N4BP2: variants seen among roughly 807,000 people sequenced by gnomAD.
N4BP2 encodes the protein NEDD4-binding protein 2.
A neutral mutation model predicts 152.8 loss-of-function variants in N4BP2; 91 were observed. The observed-to-expected ratio is 0.60, with a 90% CI of 0.50 to 0.71. The LOEUF (loss-of-function observed/expected upper bound fraction) is 0.71. Ranked by LOEUF, N4BP2 falls within the 30% of genes least tolerant of loss-of-function variation. The pLI is 0.00. For synonymous variants in N4BP2, 646 were observed against 705.3 expected, an observed-to-expected ratio of 0.92 and a Z score of 1.33; for missense variants, 1,923 against 2,059.1, an observed-to-expected ratio of 0.93 and a Z score of 1.28.
intron 16 of N4BP2, among the ~76,000 whole-genome samples, chr4:40,150,321 GAACATGTTAAAC>G (rs1311672542): frequency 6.6e-6 from 1 of 152,148 alleles, no homozygotes; most frequent in East Asian, 1.9e-4. Flanking sequence ...GGGGACAGAG[GAACATGTTAAAC>G]AACACCATGG....
At chr4:40,065,009 C>T (rs1733933736) in intron 1 of N4BP2, among the ~76,000 whole-genome samples, 1 of 152,118 alleles carries the variant, frequency 6.6e-6, no homozygotes, top group Non-Finnish European at 1.5e-5. Context: ...ACCTCCTGAT[C>T]TGCCCACCTC....
chr4:40,062,025 T>A (rs4974957), intron 1 of N4BP2, among the ~76,000 whole-genome samples: 4 of 151,816 alleles, frequency 2.6e-5, no homozygotes, highest in Non-Finnish European at 5.9e-5. Context: ...TATTTTTTGG[T>A]TTTATTTATT....
rs1373140474 is a variant in N4BP2, at chr4:40,124,300, G to A, written c.4330+95G>A. 29 of 739,612 alleles carry A rather than the reference G, an allele frequency of 3.9e-5. No homozygotes were observed. The East Asian group carries it at 6.2e-4, about 16-fold the overall frequency. The allele number at this position is 739,612 out of a possible 1,614,324, so 45.8% of individuals were successfully genotyped here. On this transcript the variant is annotated intron_variant, in intron 11 of 17. Transcript: ENST00000261435. The stretch of plus-strand genomic sequence containing the variant: ...ATTCTAAATTACTTCCACAAAATAC[G>A]GTACCCACAAATTTTGATTTGCAAA...
chr4:40,184,437 A>G, the N4BP2 span, among the ~76,000 whole-genome samples: 42 of 152,232 alleles, frequency 2.8e-4, no homozygotes, highest in African/African-American at 9.9e-4. Flanking sequence ...ATCACTGAAG[A>G]GAATAAACTA....
intron 2 of N4BP2, among the ~76,000 whole-genome samples, chr4:40,075,907 G>A (rs1471714851): frequency 1.3e-5 from 2 of 152,090 alleles, no homozygotes; most frequent in Non-Finnish European, 2.9e-5. Context: ...GCCTACTGCA[G>A]CCTTGGCCTC....
Position 40,121,877 on chromosome 4 carries a change from G to A in N4BP2, c.3766G>A (p.Ala1256Thr). 3.1e-6 allele frequency: 5 copies of A among 1,612,316 alleles called. No individual in the cohort carries two copies. Among genetic ancestry groups the A allele is most frequent in the South Asian group, 1.1e-5 (1 of 90,958 alleles). Residue 1256 changes from alanine to threonine, a missense_variant, in exon 9 of 18, where the codon GCT becomes ACT. Physicochemically the swap from Ala to Thr is moderately conservative, Grantham distance 58. Transcript: ENST00000261435. ...SKQSFPGILK[A>T]TTPKDMSETE... ...GCAGTCCTTTCCAGGTATTCTAAAA[G>A]CTACTACTCCTAAAGATATGAGTGA...
intron 7 of N4BP2, among the ~76,000 whole-genome samples, chr4:40,114,379 G>T (rs1327006290): frequency 6.6e-6 from 1 of 152,122 alleles, no homozygotes; most frequent in Non-Finnish European, 1.5e-5. Context: ...CCTACAAGCA[G>T]TTACTCTAGT....
intron 2 of N4BP2, among the ~76,000 whole-genome samples, chr4:40,083,355 A>C (rs1204176995): frequency 2.6e-5 from 4 of 152,200 alleles, no homozygotes; most frequent in Non-Finnish European, 5.9e-5. Context: ...AGAGATATGA[A>C]AACATGTCCA....
chr4:40,103,029 A>G lies in N4BP2; in HGVS notation c.1184A>G (p.Tyr395Cys), dbSNP rs772027051. Residue 395 changes from tyrosine to cysteine, a missense_variant, in exon 4 of 18, where the codon TAC becomes TGC. Physicochemically the swap from Tyr to Cys is radical, Grantham distance 194 (BLOSUM62 -2). Coordinates refer to ENST00000261435, the MANE Select transcript of N4BP2 (RefSeq NM_018177.6). Reference sequence around the variant, plus strand: ...GCTGCACACTGGAGATCTGTCAACTACACATTTCCACCCTCAGTTATTTCT... The same window carrying G: ...GCTGCACACTGGAGATCTGTCAACTGCACATTTCCACCCTCAGTTATTTCT... Reference protein sequence around the residue: ...TTAAHWRSVNYTFPPSVISHT... With the variant: ...TTAAHWRSVNCTFPPSVISHT... The G allele has an allele frequency of 2.5e-6, 4 of 1,614,154 alleles. No homozygotes were observed. The highest frequency in any genetic ancestry group is 3.4e-6 in the Non-Finnish European group (4 of 1,180,020).
downstream of N4BP2, among the ~76,000 whole-genome samples, chr4:40,158,634 C>CA (rs1487608504): frequency 6.6e-6 from 1 of 151,918 alleles, no homozygotes; most frequent in Non-Finnish European, 1.5e-5. Flanking sequence ...TCTGTCTCTA[C>CA]AAAAAATTAG....
chr4:40,086,280 G>A (rs1280276399), intron 2 of N4BP2, among the ~76,000 whole-genome samples: 2 of 151,084 alleles, frequency 1.3e-5, no homozygotes, highest in African/African-American at 2.4e-5. Flanking sequence ...AGACCAGCCT[G>A]GACAACATTG....
chr4:40,138,556 A>G (rs1359235452), intron 14 of N4BP2, among the ~76,000 whole-genome samples: 2 of 152,186 alleles, frequency 1.3e-5, no homozygotes, highest in Admixed American at 1.3e-4. Context: ...TTAGGTCTTT[A>G]ATCCATTTTG....
chr4:40,107,926 CT>C (rs11290025), intron 5 of N4BP2, among the ~76,000 whole-genome samples: 98,572 of 143,954 alleles, frequency 0.68, 33,575 homozygotes, highest in East Asian at 0.92. Context: ...TCCTATGTAT[CT>C]TTTTTTTTTT....
intron 1 of N4BP2, among the ~76,000 whole-genome samples, chr4:40,072,159 C>T (rs1712252358): frequency 6.6e-6 from 1 of 151,940 alleles, no homozygotes; most frequent in Non-Finnish European, 1.5e-5. Context: ...ACTGCAATCT[C>T]CGCCTTCCGG....
the N4BP2 span, among the ~76,000 whole-genome samples, chr4:40,189,132 G>A: frequency 6.8e-6 from 1 of 147,250 alleles, no homozygotes; most frequent in African/African-American, 2.6e-5. The surrounding 1 kb of genome is among the most constrained non-coding windows in gnomAD (Gnocchi z 4.3). Context: ...GCGCCAGAGC[G>A]GGACTCTGTC....
chr4:40,114,770 T>C (rs573334430), intron 7 of N4BP2, among the ~76,000 whole-genome samples: 1 of 152,306 alleles, frequency 6.6e-6, no homozygotes, highest in South Asian at 2.1e-4. Context: ...TAAGTTTGAA[T>C]GTTAGAATTT....
chr4:40,070,330 T>C (rs1321580781), intron 1 of N4BP2, among the ~76,000 whole-genome samples: 5 of 152,190 alleles, frequency 3.3e-5, no homozygotes, highest in Non-Finnish European at 5.9e-5. Flanking sequence ...TTTAAAAGAT[T>C]ATATAAGAAG....
intron 2 of N4BP2, among the ~76,000 whole-genome samples, chr4:40,075,988 A>C (rs907101328): frequency 6.6e-6 from 1 of 151,990 alleles, no homozygotes; most frequent in Non-Finnish European, 1.5e-5. Context: ...CACCAGGCCT[A>C]GCTAATTTTA....
intron 1 of N4BP2, among the ~76,000 whole-genome samples, chr4:40,057,648 A>ACC (rs534061023): frequency 8.7e-4 from 132 of 151,042 alleles, no homozygotes; most frequent in African/African-American, 3.0e-3. Context: ...CCTCAATGGG[A>ACC]CCCTTCTAGA....
Sources: allele counts gnomAD v4.1 joint callset (sites outside exome capture counted in the v4.1 genomes callset), GRCh38; gene constraint gnomAD v4.1.1; non-coding constraint Gnocchi (gnomAD v3.1); transcripts MANE v1.5; gene names NCBI Gene and HGNC (gene_info 2026-07-23, HGNC 2026-07-21).